The following TLE4 variants were observed in gnomAD, a reference collection of about 807,000 sequenced individuals.
TLE4 encodes TLE family member 4, transcriptional corepressor.
TLE4 carries 8 observed loss-of-function variants against 92.8 expected under a neutral mutation model. That is an observed-to-expected ratio of 0.09 (90% CI 0.05 to 0.16). The LOEUF (loss-of-function observed/expected upper bound fraction) is 0.16. TLE4 is among the 10% of genes least tolerant of loss of function. TLE4 has a pLI of 1.00. For missense variants in TLE4, 675 were observed against 997.6 expected, an observed-to-expected ratio of 0.68 and a Z score of 4.36; for synonymous variants, 371 against 374.1, an observed-to-expected ratio of 0.99 and a Z score of 0.10.
intron 19 of TLE4, among the ~76,000 whole-genome samples, chr9:79,724,169 CT>C (rs60841110): frequency 0.014 from 1,977 of 141,092 alleles, 23 homozygotes; most frequent in African/African-American, 0.037. Context: ...TTTTTACATT[CT>C]TTTTTTTTTT....
chr9:79,690,780 T>C (rs939072420), intron 8 of TLE4, among the ~76,000 whole-genome samples: 5 of 22,194 alleles, frequency 2.3e-4, no homozygotes, highest in Non-Finnish European at 6.2e-4. Context: ...CACTCCTGGC[T>C]TTTTTTTTTT....
intron 11 of TLE4, among the ~76,000 whole-genome samples, chr9:79,707,600 A>G (rs1189355045): frequency 6.6e-6 from 1 of 152,240 alleles, no homozygotes; most frequent in Non-Finnish European, 1.5e-5. Flanking sequence ...TAGGGGGGAT[A>G]AGTGCGACGG....
intron 8 of TLE4, among the ~76,000 whole-genome samples, chr9:79,661,164 ATTTG>A (rs1415892391): frequency 6.6e-6 from 1 of 152,210 alleles, no homozygotes; most frequent in Non-Finnish European, 1.5e-5. Context: ...TTTCAAAAAC[ATTTG>A]TTTCTCAAAA....
chr9:79,723,917 A>G (rs1316385174), intron 19 of TLE4, among the ~76,000 whole-genome samples: 2 of 152,218 alleles, frequency 1.3e-5, no homozygotes, highest in Non-Finnish European at 1.5e-5. Flanking sequence ...TACATTTTTT[A>G]TAGTAAGCAT....
chr9:79,637,091 G>GATA (rs6151049), intron 6 of TLE4, among the ~76,000 whole-genome samples: 2 of 151,696 alleles, frequency 1.3e-5, no homozygotes, highest in African/African-American at 2.4e-5. Context: ...GGCTGGAGCT[G>GATA]GCCTATTTAT....
chr9:79,653,579 A>G (rs2059331897), intron 7 of TLE4, among the ~76,000 whole-genome samples: 1 of 152,190 alleles, frequency 6.6e-6, no homozygotes. Flanking sequence ...TTGGGAATTT[A>G]CTTAGCACAA....
At chr9:79,657,489 G>A (rs1483432006) in intron 8 of TLE4, among the ~76,000 whole-genome samples, 1 of 152,150 alleles carries the variant, frequency 6.6e-6, no homozygotes, top group African/African-American at 2.4e-5. Flanking sequence ...AAAGTGATGG[G>A]CTCTAAAATG....
intron 8 of TLE4, among the ~76,000 whole-genome samples, chr9:79,674,692 T>A (rs900433740): frequency 6.6e-6 from 1 of 152,162 alleles, no homozygotes; most frequent in Non-Finnish European, 1.5e-5. Context: ...ACTTGTCACG[T>A]GGGGCGGGAT....
At chr9:79,598,456 T>G (rs572999181) in intron 4 of TLE4, among the ~76,000 whole-genome samples, 2 of 152,236 alleles carry the variant, frequency 1.3e-5, no homozygotes, top group South Asian at 4.1e-4. Context: ...CTGGGAATGG[T>G]CTTACCCTTT....
intron 8 of TLE4, among the ~76,000 whole-genome samples, chr9:79,658,448 C>T (rs1484446781): frequency 6.6e-6 from 1 of 152,084 alleles, no homozygotes; most frequent in Non-Finnish European, 1.5e-5. Context: ...TAAGGCAATG[C>T]ATTTTTATTC....
intron 8 of TLE4, among the ~76,000 whole-genome samples, chr9:79,656,562 C>G (rs1156710482): frequency 2.0e-5 from 3 of 152,066 alleles, no homozygotes; most frequent in Admixed American, 6.5e-5. Context: ...TTTTATAGCT[C>G]CTCTAAAAGC....
At chr9:79,665,563 G>T (rs1339393954) in intron 8 of TLE4, among the ~76,000 whole-genome samples, 1 of 152,196 alleles carries the variant, frequency 6.6e-6, no homozygotes, top group African/African-American at 2.4e-5. Flanking sequence ...AAGCTGCCCG[G>T]GCTGATGTGC....
chr9:79,621,707 C>T (rs992073379), intron 5 of TLE4, among the ~76,000 whole-genome samples: 4 of 152,048 alleles, frequency 2.6e-5, no homozygotes, highest in Non-Finnish European at 4.4e-5. Context: ...TAGAAATTTG[C>T]GTGCTTTTGG....
intron 8 of TLE4, among the ~76,000 whole-genome samples, chr9:79,686,202 G>A (rs982440925): frequency 6.6e-5 from 10 of 152,124 alleles, no homozygotes; most frequent in Admixed American, 2.0e-4. Flanking sequence ...GCAGGGGAGA[G>A]GGAGGAGTGT....
At chr9:79,591,323 G>A (rs1046893751) in intron 4 of TLE4, among the ~76,000 whole-genome samples, 1 of 152,166 alleles carries the variant, frequency 6.6e-6, no homozygotes, top group South Asian at 2.1e-4. Flanking sequence ...GAAAGGGTAG[G>A]ATTCCAAGTG....
intron 19 of TLE4, 151 bp from the exon 20 acceptor site, chr9:79,724,886 C>T (rs1010477138): frequency 4.0e-4 from 43 of 106,842 alleles, no homozygotes; most frequent in Non-Finnish European, 7.2e-4. Flanking sequence ...AAAAAAGCAG[C>T]AGTACTGTCC....
chr9:79,641,217 A>G (rs1018010980), intron 6 of TLE4, among the ~76,000 whole-genome samples: 1 of 151,464 alleles, frequency 6.6e-6, no homozygotes, highest in Non-Finnish European at 1.5e-5. Context: ...GATTGATAGT[A>G]TTTAATACTC....
At chr9:79,623,737 A>C (rs968598760) in intron 5 of TLE4, among the ~76,000 whole-genome samples, 3 of 146,248 alleles carry the variant, frequency 2.1e-5, no homozygotes, top group African/African-American at 2.5e-5. Context: ...TTAAAATTGT[A>C]AAGTACAGCA....
intron 4 of TLE4, among the ~76,000 whole-genome samples, chr9:79,598,518 C>T (rs2044675286): frequency 6.6e-6 from 1 of 152,148 alleles, no homozygotes; most frequent in African/African-American, 2.4e-5. Flanking sequence ...CTCAGTTACT[C>T]AGGGAAATAG....
Sources: allele counts gnomAD v4.1 joint callset (sites outside exome capture counted in the v4.1 genomes callset), GRCh38; gene constraint gnomAD v4.1.1; transcripts MANE v1.5; gene names NCBI Gene and HGNC (gene_info 2026-07-23, HGNC 2026-07-21).